The following LBH variants were observed in gnomAD, a reference collection of about 807,000 sequenced individuals.
LBH encodes the protein protein LBH.
LBH carries 7 observed loss-of-function variants against 12.5 expected under a neutral mutation model. The ratio of observed to expected loss-of-function variants is 0.56; its 90% CI spans 0.32 to 1.05. The LOEUF (loss-of-function observed/expected upper bound fraction) is 1.05, where lower values mean the gene tolerates loss of function less well. LBH is among the 50% of genes least tolerant of loss of function. The pLI, the probability that LBH is intolerant of heterozygous loss-of-function variation, is 0.04. For synonymous variants in LBH, 51 were observed against 50.1 expected, an observed-to-expected ratio of 1.02 and a Z score of -0.08; for missense variants, 119 against 138.9, an observed-to-expected ratio of 0.86 and a Z score of 0.72.
intron 2 of LBH, among the ~76,000 whole-genome samples, chr2:30,241,854 C>CT (rs1263893598): frequency 2.0e-5 from 3 of 152,172 alleles, no homozygotes; most frequent in Non-Finnish European, 2.9e-5. Flanking sequence ...TCTTTGCCTT[C>CT]TTTTCCTGTG....
At chr2:30,254,530 A>G (rs1014205881) in intron 2 of LBH, among the ~76,000 whole-genome samples, 4 of 152,058 alleles carry the variant, frequency 2.6e-5, no homozygotes, top group African/African-American at 9.7e-5. Flanking sequence ...TTAATGAAAG[A>G]CCTGTTTCCA....
chr2:30,259,769 G>T lies in LBH; in HGVS notation c.*2148G>T, dbSNP rs1010466577. The T allele has an allele frequency of 1.5e-4, 23 of 152,282 alleles. No homozygotes were observed. Among genetic ancestry groups the T allele is most frequent in the African/African-American group, 4.8e-4 (20 of 41,294 alleles). 9.4% of individuals were successfully genotyped at this position (152,282 alleles called of 1,614,324 possible). A position where few individuals can be genotyped will look rare whatever the true frequency, so the allele number is the denominator to read the frequency against. On this transcript the variant is annotated 3_prime_UTR_variant, in exon 3 of 3. Coordinates refer to ENST00000395323, the MANE Select transcript of LBH (RefSeq NM_030915.4). ...CCTCAGCGGTGGAGCCTGCTGGGGG[G>T]ACCCAGCTGCTCTTGGACAAGTGGC...
At chr2:30,255,537 C>G (rs574487664) in intron 2 of LBH, among the ~76,000 whole-genome samples, 12 of 152,300 alleles carry the variant, frequency 7.9e-5, no homozygotes, top group African/African-American at 2.4e-4. Context: ...GGCTTAATCC[C>G]CAGCAATAGG....
At chr2:30,256,909 A>T (rs1279847705) in intron 2 of LBH, 1 of 162,438 alleles carries the variant, frequency 6.2e-6, no homozygotes, top group African/African-American at 2.4e-5. Context: ...CAAGCCTGAG[A>T]TTCTTTAAGC....
chr2:30,249,489 C>T (rs72787716), intron 2 of LBH, among the ~76,000 whole-genome samples: 26,840 of 152,070 alleles, frequency 0.18, 2,683 homozygotes, highest in Admixed American at 0.27. Flanking sequence ...AGGGGCAGGC[C>T]CCTGGAGTAA....
intron 2 of LBH, among the ~76,000 whole-genome samples, chr2:30,236,447 C>A (rs545912140): frequency 3.3e-5 from 5 of 152,326 alleles, no homozygotes; most frequent in Non-Finnish European, 5.9e-5. Context: ...TTCTCAGAGC[C>A]CCCTCCCAGG....
intron 2 of LBH, among the ~76,000 whole-genome samples, chr2:30,254,795 C>T (rs1316874560): frequency 6.6e-6 from 1 of 152,230 alleles, no homozygotes; most frequent in East Asian, 1.9e-4. Context: ...CAGGGCCAGG[C>T]TCTTCACAGG....
chr2:30,243,309 C>G (rs1364470000), intron 2 of LBH, among the ~76,000 whole-genome samples: 3 of 152,198 alleles, frequency 2.0e-5, no homozygotes, highest in Admixed American at 2.0e-4. Context: ...TCAGCGATTA[C>G]TCAGCTTTTC....
rs984916346 is a variant in LBH, at chr2:30,257,410, C to T, written c.130-23C>T. The T allele has an allele frequency of 2.5e-6, 4 of 1,613,176 alleles. No individual in the cohort carries two copies. In the Admixed American group the frequency reaches 6.7e-5, roughly 27 times the overall value. The stretch of plus-strand genomic sequence containing the variant: ...CTTTTCAAATATCTACGTGACCAGG[C>T]ACCTGCTCTGCTTTTCTTTCAGATC... On this transcript the variant is annotated intron_variant, in intron 2 of 2. Coordinates refer to ENST00000395323, the MANE Select transcript of LBH (RefSeq NM_030915.4).
intron 2 of LBH, among the ~76,000 whole-genome samples, chr2:30,252,286 A>G (rs994211159): frequency 3.3e-5 from 5 of 152,152 alleles, no homozygotes; most frequent in African/African-American, 1.2e-4. Context: ...CTTGTGAAGA[A>G]GGATGTGTTT....
chr2:30,242,335 G>A (rs1261572709), intron 2 of LBH, among the ~76,000 whole-genome samples: 1 of 151,776 alleles, frequency 6.6e-6, no homozygotes, highest in Non-Finnish European at 1.5e-5. Context: ...CCTCTGCCTT[G>A]TGGGTTCAAG....
chr2:30,255,520 G>T (rs4952115), intron 2 of LBH, among the ~76,000 whole-genome samples: 29,482 of 152,142 alleles, frequency 0.19, 3,088 homozygotes, highest in Admixed American at 0.28. Flanking sequence ...TTGTGCAGCT[G>T]GCTTAAGGCT....
At chr2:30,252,621 C>T (rs956497186) in intron 2 of LBH, among the ~76,000 whole-genome samples, 5 of 151,712 alleles carry the variant, frequency 3.3e-5, no homozygotes, top group African/African-American at 7.3e-5. Flanking sequence ...GAGATCGTGC[C>T]ACTGCACTCC....
chr2:30,237,176 G>A (rs367568309), intron 2 of LBH, among the ~76,000 whole-genome samples: 59 of 152,334 alleles, frequency 3.9e-4, no homozygotes, highest in African/African-American at 1.3e-3. Context: ...ATAATAGTAC[G>A]TGGCTTTTAC....
intron 2 of LBH, among the ~76,000 whole-genome samples, chr2:30,243,895 G>A (rs1011789419): frequency 1.3e-5 from 2 of 152,096 alleles, no homozygotes; most frequent in African/African-American, 4.8e-5. Context: ...GAAGGGCCAC[G>A]TACCCAACAA....
rs1440316683 is a variant in LBH at position 30,259,781 on chromosome 2, C to G, written c.*2160C>G. ...AGCCTGCTGGGGGGACCCAGCTGCT[C>G]TTGGACAAGTGGCTGAGCTCCTATC... On this transcript the variant is annotated 3_prime_UTR_variant, in exon 3 of 3. Transcript: ENST00000395323. The G allele has an allele frequency of 6.6e-6, 1 of 151,368 alleles. No individual in the cohort carries two copies. Among genetic ancestry groups the G allele is most frequent in the East Asian group, 1.9e-4 (1 of 5,136 alleles). 9.4% of individuals were successfully genotyped at this position (151,368 alleles called of 1,614,324 possible).
intron 1 of LBH, chr2:30,232,910 G>C (rs1263661325): frequency 6.6e-6 from 1 of 152,382 alleles, no homozygotes; most frequent in African/African-American, 2.4e-5. Flanking sequence ...TCTTCTGTTA[G>C]TCTCCCTGCC....
intron 2 of LBH, among the ~76,000 whole-genome samples, chr2:30,251,528 A>C (rs972724447): frequency 6.6e-6 from 1 of 151,590 alleles, no homozygotes; most frequent in African/African-American, 2.4e-5. Flanking sequence ...ATGGCCAGGC[A>C]TGGTGGCTCA....
Position 30,234,212 on chromosome 2 carries a change from CGGCT to C in LBH, c.27-191_27-188del, listed in dbSNP as rs1677640804. On this transcript the variant is annotated intron_variant, in intron 1 of 2. Transcript: ENST00000395323. ...TGCAGACAATGGGCTTTGTCTGTTGCGGCTGAGCCCTGGGGCTGTGGGCTTGCAA... is the reference window on the plus strand; with the variant it reads ...TGCAGACAATGGGCTTTGTCTGTTGCGAGCCCTGGGGCTGTGGGCTTGCAA... 3 of 572,602 alleles carry C rather than the reference CGGCT, an allele frequency of 5.2e-6. No individual in the cohort carries two copies. The African/African-American group carries it at 5.6e-5, about 11-fold the overall frequency. The allele number at this position is 572,602 out of a possible 1,614,324, so 35.5% of individuals were successfully genotyped here.
Sources: gnomAD v4.1 joint callset for allele counts (sites outside exome capture counted in the v4.1 genomes callset) on GRCh38, gnomAD v4.1.1 for gene constraint, MANE v1.5 for transcripts, NCBI Gene and HGNC (gene_info 2026-07-23, HGNC 2026-07-21) for gene names.